Variants in AUH observed in about 807,000 individuals in gnomAD.
The protein encoded by AUH is methylglutaconyl-CoA hydratase, mitochondrial.
Under a neutral mutation model 42.3 loss-of-function variants are expected in AUH, and 29 were observed. The ratio of observed to expected loss-of-function variants is 0.69; its 90% CI spans 0.51 to 0.93. AUH has a LOEUF of 0.93. AUH is among the 40% of genes least tolerant of loss of function. The probability of loss-of-function intolerance (pLI) is 0.00; values close to 1 mark genes in which losing one functional copy is unlikely to be tolerated. For missense variants in AUH, 452 were observed against 438.1 expected (o/e 1.03, Z -0.28); for synonymous variants, 174 against 166.4 (o/e 1.05, Z -0.35).
intron 3 of AUH, among the ~76,000 whole-genome samples, chr9:91,341,787 CAAG>C (rs1295253426): frequency 6.6e-6 from 1 of 152,128 alleles, no homozygotes; most frequent in Admixed American, 6.5e-5. Flanking sequence ...AAAATAAATT[CAAG>C]AACAGAAACG....
chr9:91,315,819 C>T (rs927330210), intron 4 of AUH, among the ~76,000 whole-genome samples: 1 of 152,184 alleles, frequency 6.6e-6, no homozygotes, highest in African/African-American at 2.4e-5. Context: ...TATCCTTCCA[C>T]CTGAATTCCA....
chr9:91,265,551 G>A (rs187828636), intron 6 of AUH, among the ~76,000 whole-genome samples: 3 of 152,198 alleles, frequency 2.0e-5, no homozygotes, highest in East Asian at 1.9e-4. Context: ...TCCTCCACTC[G>A]TGTCAGTTGG....
intron 6 of AUH, among the ~76,000 whole-genome samples, chr9:91,252,844 C>T (rs550557434): frequency 4.6e-5 from 7 of 152,308 alleles, no homozygotes; most frequent in Non-Finnish European, 7.4e-5. Flanking sequence ...TTAATTTTTA[C>T]ATTTTTACTA....
intron 6 of AUH, among the ~76,000 whole-genome samples, chr9:91,278,324 T>C (rs968702672): frequency 3.3e-5 from 5 of 152,254 alleles, no homozygotes; most frequent in Admixed American, 6.5e-5. Flanking sequence ...AAGATTATTT[T>C]ATAAAAGTCA....
chr9:91,355,524 C>G (rs531914655), intron 3 of AUH, among the ~76,000 whole-genome samples: 1 of 151,476 alleles, frequency 6.6e-6, no homozygotes, highest in African/African-American at 2.4e-5. Flanking sequence ...GCCACTGCAG[C>G]CTGGGTGACA....
chr9:91,317,524 C>T (rs1829250439), intron 4 of AUH, among the ~76,000 whole-genome samples: 1 of 152,130 alleles, frequency 6.6e-6, no homozygotes, highest in African/African-American at 2.4e-5. Context: ...TCATTTCCAG[C>T]CATCTTGCAA....
intron 6 of AUH, among the ~76,000 whole-genome samples, chr9:91,261,612 T>A (rs10991854): frequency 0.072 from 10,900 of 152,280 alleles, 675 homozygotes; most frequent in East Asian, 0.26. Context: ...GTGTAGCTAC[T>A]TCCTATCCTG....
intron 3 of AUH, among the ~76,000 whole-genome samples, chr9:91,350,777 G>C (rs1437246773): frequency 6.7e-6 from 1 of 150,106 alleles, no homozygotes; most frequent in Non-Finnish European, 1.5e-5. Flanking sequence ...AAAACAAAAA[G>C]AAAGTTGTAA....
At chr9:91,309,430 T>C (rs1828527136) in intron 4 of AUH, among the ~76,000 whole-genome samples, 2 of 152,188 alleles carry the variant, frequency 1.3e-5, no homozygotes. Flanking sequence ...GCTTTTGGAA[T>C]ACTGTTTTCT....
chr9:91,262,730 T>G (rs1829768501), intron 6 of AUH, among the ~76,000 whole-genome samples: 1 of 152,088 alleles, frequency 6.6e-6, no homozygotes. Flanking sequence ...GGGGACAACA[T>G]TCATGCCTAG....
Position 91,221,645 on chromosome 9 carries a change from C to A in AUH, c.656-653G>T, listed in dbSNP as rs1379895710. ...AATCCACTGTGTGTGGAGTCAGAAG[C>A]CATGCATTTGGTTTTGACGTTGTCA... On this transcript the variant is annotated intron_variant, in intron 6 of 9. Coordinates refer to ENST00000375731, the MANE Select transcript of AUH (RefSeq NM_001698.3). Among the ~76,000 whole-genome samples the A allele has an allele frequency of 3.9e-5, 6 of 151,938 alleles. No homozygotes were observed. In the South Asian group the frequency reaches 1.2e-3, roughly 32 times the overall value.
At chr9:91,353,698 C>A (rs1430084630) in intron 3 of AUH, among the ~76,000 whole-genome samples, 1 of 151,300 alleles carries the variant, frequency 6.6e-6, no homozygotes, top group Non-Finnish European at 1.5e-5. Context: ...ATTAGCCGGG[C>A]TTGGTGGCGG....
At chr9:91,319,096 CT>C (rs1022599653) in intron 4 of AUH, among the ~76,000 whole-genome samples, 25 of 152,056 alleles carry the variant, frequency 1.6e-4, no homozygotes, top group African/African-American at 5.6e-4. Flanking sequence ...ATAATCACAC[CT>C]TTTTTTCATT....
intron 6 of AUH, among the ~76,000 whole-genome samples, chr9:91,243,328 A>G (rs1828619478): frequency 6.6e-6 from 1 of 152,272 alleles, no homozygotes; most frequent in African/African-American, 2.4e-5. Flanking sequence ...ATAACTGGGT[A>G]ATCAGAACAA....
chr9:91,249,925 T>C (rs1360802152), intron 6 of AUH, among the ~76,000 whole-genome samples: 4 of 151,678 alleles, frequency 2.6e-5, no homozygotes, highest in Non-Finnish European at 5.9e-5. Flanking sequence ...GGCAGGAGAA[T>C]TGCTTGAACC....
chr9:91,256,885 G>A (rs1829430335), intron 6 of AUH, among the ~76,000 whole-genome samples: 1 of 152,056 alleles, frequency 6.6e-6, no homozygotes, highest in African/African-American at 2.4e-5. Context: ...AGCCTATGAG[G>A]CAAAGACATG....
chr9:91,298,238 A>G (rs549469660), intron 4 of AUH, among the ~76,000 whole-genome samples, 162 bp from the exon 5 acceptor site: 1 of 7,428 alleles, frequency 1.3e-4, no homozygotes, highest in South Asian at 8.5e-3. Flanking sequence ...TTCCATCATT[A>G]TTCTTCAAAA....
intron 4 of AUH, among the ~76,000 whole-genome samples, chr9:91,298,414 T>A (rs572206322): frequency 6.6e-6 from 1 of 152,352 alleles, no homozygotes; most frequent in East Asian, 1.9e-4. Flanking sequence ...GATGTTTGGT[T>A]CATACAAAGT....
chr9:91,296,131 G>A, intron 5 of AUH, 54 bp from the exon 6 acceptor site: 1 of 1,550,942 alleles, frequency 6.4e-7, no homozygotes, highest in South Asian at 1.1e-5. Context: ...ATTCAAATAT[G>A]ACAACTTGAA....
Sources: allele counts gnomAD v4.1 joint callset (sites outside exome capture counted in the v4.1 genomes callset), GRCh38; gene constraint gnomAD v4.1.1; transcripts MANE v1.5; gene names NCBI Gene and HGNC (gene_info 2026-07-23, HGNC 2026-07-21).